The following FRMPD4 variants were observed in gnomAD, a reference collection of about 807,000 sequenced individuals.
The protein encoded by FRMPD4 is FERM and PDZ domain-containing protein 4.
A neutral mutation model predicts 94.1 loss-of-function variants in FRMPD4; 22 were observed. The ratio of observed to expected loss-of-function variants is 0.23; its 90% CI spans 0.17 to 0.33. The LOEUF is 0.33. Among genes scored for constraint, FRMPD4 ranks in the 10% least tolerant of loss-of-function variants. FRMPD4 has a pLI of 1.00. For synonymous variants in FRMPD4, 631 were observed against 548.6 expected (o/e 1.15, Z -2.10); for missense variants, 1,111 against 1,339.9 (o/e 0.83, Z 2.67).
intron 4 of FRMPD4, among the ~76,000 whole-genome samples, chrX:12,626,938 T>A (rs2059352285): frequency 9.0e-6 from 1 of 110,790 alleles, no homozygotes; most frequent in Non-Finnish European, 1.9e-5. Flanking sequence ...TCTTCCTGCC[T>A]AATGTTAGAT....
chrX:12,552,927 G>A (rs974155202), intron 2 of FRMPD4, among the ~76,000 whole-genome samples: 2 of 112,028 alleles, frequency 1.8e-5, no homozygotes, highest in Admixed American at 9.5e-5. Flanking sequence ...AGGTGGAGGC[G>A]GGAGGATCGC....
intron 1 of FRMPD4, among the ~76,000 whole-genome samples, chrX:12,164,408 T>C (rs1413796054): frequency 1.8e-5 from 2 of 112,546 alleles, no homozygotes; most frequent in Non-Finnish European, 3.8e-5. Context: ...TAGTATTCCA[T>C]GGCATATATG....
At chrX:12,547,054 C>T (rs1213929726) in intron 2 of FRMPD4, among the ~76,000 whole-genome samples, 1 of 95,784 alleles carries the variant, frequency 1.0e-5, no homozygotes, top group Non-Finnish European at 2.0e-5. Flanking sequence ...TATTAAAACA[C>T]TGATACCTGA....
Position 12,413,245 on chromosome X carries a change from A to G in FRMPD4, c.42-85435A>G, listed in dbSNP as rs146667132. Reference sequence around the variant, plus strand: ...GCTCCTCAGATGGGATATTTCAGACATGTGAGTTTTATACTATTCCCAGAA... The same window carrying G: ...GCTCCTCAGATGGGATATTTCAGACGTGTGAGTTTTATACTATTCCCAGAA... On this transcript the variant is annotated intron_variant, in intron 1 of 16. Coordinates refer to ENST00000675598, the MANE Select transcript of FRMPD4 (RefSeq NM_001368397.1). Among the ~76,000 whole-genome samples the G allele has an allele frequency of 2.3e-3, 257 of 112,118 alleles. 1 individual carries two copies. Among genetic ancestry groups the G allele is most frequent in the African/African-American group, 7.9e-3 (243 of 30,928 alleles).
chrX:12,357,043 T>C (rs1184554414), intron 1 of FRMPD4, among the ~76,000 whole-genome samples: 1 of 112,421 alleles, frequency 8.9e-6, no homozygotes, highest in Non-Finnish European at 1.9e-5. Context: ...GGGAAAGATA[T>C]TTCTTTTACC....
intron 3 of FRMPD4, among the ~76,000 whole-genome samples, chrX:11,903,363 A>T (rs763716114): frequency 8.9e-6 from 1 of 112,729 alleles, no homozygotes; most frequent in African/African-American, 3.2e-5. Context: ...TGAAGACCAG[A>T]TTAAAGCAAT....
chrX:11,868,067 C>T (rs867739253), intron 2 of FRMPD4, among the ~76,000 whole-genome samples: 2 of 111,607 alleles, frequency 1.8e-5, no homozygotes, highest in African/African-American at 6.5e-5. Flanking sequence ...CTATTTAATG[C>T]TCCTTCACTC....
intron 1 of FRMPD4, among the ~76,000 whole-genome samples, chrX:12,259,260 G>C (rs1169325318): frequency 1.8e-5 from 2 of 111,543 alleles, no homozygotes; most frequent in African/African-American, 6.5e-5. Context: ...AAAGGAACAG[G>C]GAAGATCATG....
At chrX:12,389,428 T>C (rs755081846) in intron 1 of FRMPD4, among the ~76,000 whole-genome samples, 63 of 107,363 alleles carry the variant, frequency 5.9e-4, no homozygotes, top group Non-Finnish European at 1.2e-3. Flanking sequence ...TGAGCTGAGA[T>C]CTCACCACTG....
rs201418771 is a variant in FRMPD4, at chrX:11,837,987, TAGAA to T, written c.-161+15275_-161+15278del. Among the ~76,000 whole-genome samples the T allele has an allele frequency of 3.6e-5, 4 of 111,625 alleles. No individual in the cohort carries two copies. In the East Asian group the frequency reaches 1.1e-3, roughly 31 times the overall value. On this transcript the variant is annotated intron_variant, in intron 1 of 18. Transcript: ENST00000640291. ...GAATAAGACCCCCAACATGAAAAAT[TAGAA>T]AGCAATATCAGAGCTCAAATATGAC... is the stretch of plus-strand genomic sequence containing the variant.
intron 1 of FRMPD4, chrX:12,373,235 T>C (rs760922333): frequency 2.3e-4 from 26 of 112,604 alleles, no homozygotes; most frequent in Non-Finnish European, 3.9e-4. Context: ...TCTAACCGAC[T>C]TCTTAGTGGA....
chrX:11,986,692 A>G (rs2054431418), intron 3 of FRMPD4, among the ~76,000 whole-genome samples: 1 of 111,810 alleles, frequency 8.9e-6, no homozygotes, highest in Non-Finnish European at 1.9e-5. Context: ...AAAGAAAAAG[A>G]GAGAAGACCC....
intron 3 of FRMPD4, among the ~76,000 whole-genome samples, chrX:12,037,836 G>A (rs1267950416): frequency 1.8e-4 from 20 of 111,277 alleles, no homozygotes; most frequent in Non-Finnish European, 3.4e-4. Flanking sequence ...TGCGGTATTT[G>A]GTTTTCTGTT....
chrX:12,244,421 C>T (rs2053925315), intron 1 of FRMPD4, among the ~76,000 whole-genome samples: 2 of 111,813 alleles, frequency 1.8e-5, no homozygotes, highest in Non-Finnish European at 1.9e-5. Context: ...TCTCCCTTCT[C>T]TTGAGGCAGT....
chrX:12,550,831 G>C (rs1036447465), intron 2 of FRMPD4, among the ~76,000 whole-genome samples: 3 of 37,778 alleles, frequency 7.9e-5, no homozygotes, highest in African/African-American at 5.0e-4. Context: ...TTCTCTTTTA[G>C]AGTGTATATA....
intron 2 of FRMPD4, among the ~76,000 whole-genome samples, chrX:11,869,738 T>TG (rs1304202899): frequency 8.9e-5 from 10 of 112,042 alleles, no homozygotes; most frequent in African/African-American, 2.9e-4. Flanking sequence ...AGAAAAACTC[T>TG]GGTTTAGGAA....
At chrX:12,242,825 C>A (rs1002288997) in intron 1 of FRMPD4, among the ~76,000 whole-genome samples, 1 of 112,669 alleles carries the variant, frequency 8.9e-6, no homozygotes, top group Non-Finnish European at 1.9e-5. Flanking sequence ...TAGCCTTGAT[C>A]TCCTGGGCTC....
chrX:11,913,221 C>G (rs775235778), intron 3 of FRMPD4, among the ~76,000 whole-genome samples: 1 of 112,252 alleles, frequency 8.9e-6, no homozygotes, highest in East Asian at 2.8e-4. Flanking sequence ...TTGGTGAGTA[C>G]AGTCAGGAAT....
intron 7 of FRMPD4, among the ~76,000 whole-genome samples, chrX:12,689,475 G>A (rs1171618558): frequency 8.9e-6 from 1 of 112,288 alleles, no homozygotes; most frequent in Non-Finnish European, 1.9e-5. Flanking sequence ...TACACACAGG[G>A]AAACTAAGAT....
Sources: allele counts gnomAD v4.1 joint callset (sites outside exome capture counted in the v4.1 genomes callset), GRCh38; gene constraint gnomAD v4.1.1; transcripts MANE v1.5; gene names NCBI Gene and HGNC (gene_info 2026-07-23, HGNC 2026-07-21).